Variants in RALYL observed in about 807,000 individuals in gnomAD.
RALYL encodes the protein RALY RNA binding protein like, also known as RNA-binding Raly-like protein.
Under a neutral mutation model 35.1 loss-of-function variants are expected in RALYL, and 29 were observed. That is an observed-to-expected ratio of 0.83 (90% CI 0.61 to 1.13). RALYL has a LOEUF of 1.13. RALYL is among the 50% of genes most tolerant of loss of function. The pLI, the probability that RALYL is intolerant of heterozygous loss-of-function variation, is 0.00. For synonymous variants in RALYL, 120 were observed against 127.6 expected (o/e 0.94, Z 0.40); for missense variants, 359 against 360.4 (o/e 1.00, Z 0.03).
chr8:84,593,202 T>C (rs1209692883), intron 2 of RALYL, among the ~76,000 whole-genome samples: 1 of 152,072 alleles, frequency 6.6e-6, no homozygotes, highest in Non-Finnish European at 1.5e-5. Context: ...TACTTTAAGC[T>C]CTCCCCTGTA....
chr8:84,731,905 T>C lies in RALYL; in HGVS notation c.257-42674T>C, dbSNP rs564188263. On this transcript the variant is annotated intron_variant, in intron 2 of 8. Transcript: ENST00000521268. The stretch of plus-strand genomic sequence containing the variant: ...GCGCTCACACTGGTGTTGCTTCATG[T>C]GCTTGGATAAGCTGGGACTTTGTTC... 1.6e-4 allele frequency among the ~76,000 whole-genome samples: 24 copies of C among 152,258 alleles called. No individual in the cohort carries two copies. In the East Asian group the frequency reaches 4.4e-3, roughly 28 times the overall value.
intron 2 of RALYL, among the ~76,000 whole-genome samples, chr8:84,622,148 A>C (rs939610583): frequency 6.6e-6 from 1 of 152,180 alleles, no homozygotes; most frequent in Non-Finnish European, 1.5e-5. Context: ...ATAGTAGTGA[A>C]TGAAAATTTG....
intron 1 of RALYL, among the ~76,000 whole-genome samples, chr8:84,430,572 A>G (rs1393713565): frequency 6.6e-6 from 1 of 152,098 alleles, no homozygotes; most frequent in Non-Finnish European, 1.5e-5. Flanking sequence ...GAAACCAGTG[A>G]GTGTCAGTGG....
intron 1 of RALYL, among the ~76,000 whole-genome samples, chr8:84,441,716 T>G (rs2048350684): frequency 6.6e-6 from 1 of 152,068 alleles, no homozygotes; most frequent in Non-Finnish European, 1.5e-5. Context: ...ATCGGCAAAT[T>G]TTGTTCACAT....
intron 3 of RALYL, among the ~76,000 whole-genome samples, chr8:84,787,426 G>A (rs1407581476): frequency 6.6e-6 from 1 of 152,192 alleles, no homozygotes; most frequent in East Asian, 1.9e-4. Context: ...TATTACTGAA[G>A]GGCATTTGGG....
At chr8:84,782,031 GCACACACACACACACA>G (rs35098202) in intron 3 of RALYL, among the ~76,000 whole-genome samples, 1 of 148,648 alleles carries the variant, frequency 6.7e-6, no homozygotes, top group Non-Finnish European at 1.5e-5. Flanking sequence ...GCACACGCGC[GCACACACACACACACA>G]CACACACACA....
intron 2 of RALYL, among the ~76,000 whole-genome samples, chr8:84,765,177 C>A (rs962604586): frequency 1.3e-5 from 2 of 152,186 alleles, no homozygotes; most frequent in Non-Finnish European, 2.9e-5. Flanking sequence ...TTTAATCATG[C>A]ATCCTCCCCT....
chr8:84,423,616 C>T (rs1488195751), intron 1 of RALYL, among the ~76,000 whole-genome samples: 5 of 151,124 alleles, frequency 3.3e-5, no homozygotes, highest in Admixed American at 6.6e-5. Flanking sequence ...TGATTTTGCT[C>T]GTTAGTTGAT....
chr8:84,629,765 A>G (rs1486205071), intron 2 of RALYL, among the ~76,000 whole-genome samples: 3 of 152,140 alleles, frequency 2.0e-5, no homozygotes, highest in Admixed American at 1.3e-4. Context: ...GTGGTTTTCA[A>G]GTGGAATTAT....
intron 2 of RALYL, among the ~76,000 whole-genome samples, chr8:84,637,914 A>G (rs1445333796): frequency 6.6e-6 from 1 of 151,896 alleles, no homozygotes; most frequent in Non-Finnish European, 1.5e-5. Flanking sequence ...AAAGAGAGGG[A>G]TGTGGTGCTT....
chr8:84,519,679 C>T (rs1345718880), intron 1 of RALYL, among the ~76,000 whole-genome samples: 3 of 152,130 alleles, frequency 2.0e-5, no homozygotes, highest in Admixed American at 1.3e-4. Context: ...GGCTTCTAGA[C>T]CTTCTTTTAA....
intron 2 of RALYL, among the ~76,000 whole-genome samples, chr8:84,537,184 C>T (rs2059672381): frequency 6.8e-6 from 1 of 148,094 alleles, no homozygotes; most frequent in East Asian, 2.0e-4. Context: ...AAACTCTATT[C>T]ACGGGCCGGG....
chr8:84,241,373 T>C (rs1346370614), intron 1 of RALYL, among the ~76,000 whole-genome samples: 1 of 152,158 alleles, frequency 6.6e-6, no homozygotes, highest in African/African-American at 2.4e-5. Flanking sequence ...ACGTTCTCCA[T>C]TAAGAGTAAA....
At chr8:84,723,183 G>A (rs1175630334) in intron 2 of RALYL, among the ~76,000 whole-genome samples, 4 of 151,952 alleles carry the variant, frequency 2.6e-5, no homozygotes, top group Non-Finnish European at 4.4e-5. Flanking sequence ...TGAAAGAACC[G>A]AAGAATCTGA....
intron 8 of RALYL, among the ~76,000 whole-genome samples, chr8:84,891,397 TTC>T (rs1843819431): frequency 6.6e-6 from 1 of 152,176 alleles, no homozygotes; most frequent in African/African-American, 2.4e-5. Context: ...TCAAAAACCA[TTC>T]TGTTTCAGTT....
intron 2 of RALYL, among the ~76,000 whole-genome samples, chr8:84,566,257 T>A (rs2061775720): frequency 6.6e-6 from 1 of 151,536 alleles, no homozygotes; most frequent in South Asian, 2.1e-4. Context: ...TATAATAATA[T>A]TATTCTATAC....
intron 2 of RALYL, among the ~76,000 whole-genome samples, chr8:84,760,889 G>C (rs1348792454): frequency 6.6e-6 from 1 of 151,994 alleles, no homozygotes; most frequent in Non-Finnish European, 1.5e-5. Context: ...GTTATCTTCT[G>C]TATCAGAATA....
intron 5 of RALYL, among the ~76,000 whole-genome samples, chr8:84,851,053 G>A (rs1052412695): frequency 2.0e-5 from 3 of 151,948 alleles, no homozygotes; most frequent in African/African-American, 7.3e-5. Context: ...TTTAATTTGA[G>A]TTTCACATCT....
At chr8:84,235,360 T>G (rs1199671062) in intron 1 of RALYL, among the ~76,000 whole-genome samples, 1 of 152,188 alleles carries the variant, frequency 6.6e-6, no homozygotes, top group Non-Finnish European at 1.5e-5. Context: ...ATTATCAGCT[T>G]CCCCTCTTCC....
Sources: allele counts gnomAD v4.1 joint callset (sites outside exome capture counted in the v4.1 genomes callset), GRCh38; gene constraint gnomAD v4.1.1; transcripts MANE v1.5; gene names NCBI Gene and HGNC (gene_info 2026-07-23, HGNC 2026-07-21).